STPG2: variants seen among roughly 807,000 people sequenced by gnomAD.
STPG2 encodes the protein sperm tail PG-rich repeat containing 2.
In STPG2, 56 loss-of-function variants were observed where a neutral mutation model predicts 54.2. The observed-to-expected ratio is 1.03, with a 90% CI of 0.83 to 1.29. The LOEUF is 1.29. Ranked by LOEUF, STPG2 falls within the 50% of genes most tolerant of loss-of-function variation. The pLI is 0.00. For missense variants in STPG2, 596 were observed against 544.9 expected (o/e 1.09, Z -0.93); for synonymous variants, 200 against 181.8 (o/e 1.10, Z -0.81).
intron 9 of STPG2, among the ~76,000 whole-genome samples, chr4:97,715,419 G>A (rs1724255684): frequency 6.6e-6 from 1 of 152,052 alleles, no homozygotes; most frequent in Admixed American, 6.6e-5. Flanking sequence ...ATATTTTCCA[G>A]CCCTGTGACA....
chr4:98,097,430 T>C (rs1738892856), intron 5 of STPG2, among the ~76,000 whole-genome samples: 2 of 152,070 alleles, frequency 1.3e-5, no homozygotes. Context: ...TTCAACATAC[T>C]TGCCTGATAA....
chr4:97,868,984 T>C (rs1475417882), intron 8 of STPG2, among the ~76,000 whole-genome samples: 3 of 152,062 alleles, frequency 2.0e-5, no homozygotes, highest in East Asian at 1.9e-4. Context: ...TCTTTTGATA[T>C]AGTTTTCAAT....
intron 5 of STPG2, among the ~76,000 whole-genome samples, chr4:97,981,833 T>TTATATATA (rs3047345): frequency 0.011 from 1,591 of 143,332 alleles, 25 homozygotes; most frequent in African/African-American, 0.03. Flanking sequence ...TATAAAATGT[T>TTATATATA]TATATATATA....
At chr4:97,453,286 C>T (rs1337252021) in intron 4 of STPG2, among the ~76,000 whole-genome samples, 1 of 152,212 alleles carries the variant, frequency 6.6e-6, no homozygotes, top group Non-Finnish European at 1.5e-5. Context: ...GGCACTGGAG[C>T]TGCCCACCCT....
At chr4:97,864,087 G>T (rs929529702) in intron 8 of STPG2, among the ~76,000 whole-genome samples, 3 of 152,134 alleles carry the variant, frequency 2.0e-5, no homozygotes, top group East Asian at 1.9e-4. Flanking sequence ...AGTGTTGGAA[G>T]TTCTGGCCAG....
intron 3 of STPG2, 39 bp downstream of exon 3, chr4:98,128,389 C>T (rs974861587): frequency 3.3e-6 from 5 of 1,499,884 alleles, no homozygotes; most frequent in Non-Finnish European, 4.5e-6. Context: ...AAATCATAAA[C>T]AATTTTCCAA....
chr4:98,081,519 A>C (rs1291136474), intron 5 of STPG2, among the ~76,000 whole-genome samples: 1 of 152,240 alleles, frequency 6.6e-6, no homozygotes, highest in Non-Finnish European at 1.5e-5. Flanking sequence ...GAATCCCAGA[A>C]TAAGCAATGG....
At chr4:98,099,051 G>C (rs990170719) in intron 5 of STPG2, among the ~76,000 whole-genome samples, 2 of 151,888 alleles carry the variant, frequency 1.3e-5, no homozygotes, top group African/African-American at 4.8e-5. Context: ...ACAGTTTAGA[G>C]GTTCCTCAAA....
At chr4:97,790,038 T>A (rs904672842) in intron 9 of STPG2, among the ~76,000 whole-genome samples, 16 of 152,134 alleles carry the variant, frequency 1.1e-4, no homozygotes, top group Non-Finnish European at 2.4e-4. Flanking sequence ...CAAAAAAAAA[T>A]TTACATAATT....
intron 10 of STPG2, among the ~76,000 whole-genome samples, chr4:97,585,846 T>C (rs1732984298): frequency 6.6e-6 from 1 of 151,864 alleles, no homozygotes; most frequent in African/African-American, 2.4e-5. Context: ...TACTGTGCGC[T>C]GAACCTAAAC....
chr4:98,094,327 G>A (rs550329390), intron 5 of STPG2, among the ~76,000 whole-genome samples: 1 of 152,162 alleles, frequency 6.6e-6, no homozygotes, highest in Non-Finnish European at 1.5e-5. Flanking sequence ...GCTGACTAAA[G>A]AGCCCTTGGG....
intron 7 of STPG2, among the ~76,000 whole-genome samples, chr4:97,953,670 CA>C (rs1733557276): frequency 6.6e-6 from 1 of 152,228 alleles, no homozygotes; most frequent in Non-Finnish European, 1.5e-5. Flanking sequence ...TCAGTTCTAG[CA>C]CTGGGTAGAG....
At chr4:97,688,662 T>C (rs1002897603) in intron 10 of STPG2, among the ~76,000 whole-genome samples, 1 of 152,188 alleles carries the variant, frequency 6.6e-6, no homozygotes, top group Admixed American at 6.5e-5. Context: ...CCAATAGGTA[T>C]CAGATTATGT....
chr4:97,945,266 C>T (rs955781534), intron 7 of STPG2, among the ~76,000 whole-genome samples: 3 of 152,106 alleles, frequency 2.0e-5, no homozygotes, highest in Admixed American at 6.6e-5. Context: ...TGTGTCTTTG[C>T]GTACCCATGG....
At chr4:98,044,464 C>T (rs1261980271) in intron 5 of STPG2, among the ~76,000 whole-genome samples, 1 of 152,126 alleles carries the variant, frequency 6.6e-6, no homozygotes, top group African/African-American at 2.4e-5. Flanking sequence ...TCTAGATTTT[C>T]TCTACCTTTC....
chr4:97,809,548 T>G (rs912916971), intron 9 of STPG2, among the ~76,000 whole-genome samples: 3 of 152,182 alleles, frequency 2.0e-5, no homozygotes, highest in African/African-American at 7.2e-5. Flanking sequence ...ATTTGAAGCA[T>G]GAGAACGATT....
intron 10 of STPG2, among the ~76,000 whole-genome samples, chr4:97,567,810 A>G (rs1445937019): frequency 2.0e-5 from 3 of 152,186 alleles, no homozygotes; most frequent in Non-Finnish European, 4.4e-5. Flanking sequence ...TGTATAGCAT[A>G]TGTACATTAT....
chr4:97,602,834 C>A (rs1040259814), intron 10 of STPG2, among the ~76,000 whole-genome samples: 3 of 151,568 alleles, frequency 2.0e-5, no homozygotes, highest in African/African-American at 7.3e-5. Context: ...AGTTAAAGTG[C>A]ACATAATCAA....
intron 5 of STPG2, among the ~76,000 whole-genome samples, chr4:98,088,372 A>C (rs1241658323): frequency 6.6e-6 from 1 of 152,158 alleles, no homozygotes; most frequent in Non-Finnish European, 1.5e-5. Flanking sequence ...TGTTTAAAGG[A>C]GACACTATGT....
Sources: gnomAD v4.1 joint callset for allele counts (sites outside exome capture counted in the v4.1 genomes callset) on GRCh38, gnomAD v4.1.1 for gene constraint, MANE v1.5 for transcripts, NCBI Gene and HGNC (gene_info 2026-07-23, HGNC 2026-07-21) for gene names.